Variants in SNTG2 observed in about 807,000 individuals in gnomAD.
The protein encoded by SNTG2 is gamma-2-syntrophin.
A neutral mutation model predicts 70.9 loss-of-function variants in SNTG2; 74 were observed. That is an observed-to-expected ratio of 1.04 (90% CI 0.86 to 1.27). The LOEUF (loss-of-function observed/expected upper bound fraction) is 1.27, where lower values mean the gene tolerates loss of function less well. Among genes scored for constraint, SNTG2 ranks in the 50% most tolerant of loss-of-function variants. The pLI, the probability that SNTG2 is intolerant of heterozygous loss-of-function variation, is 0.00. For missense variants in SNTG2, 717 were observed against 690.7 expected, an observed-to-expected ratio of 1.04 and a Z score of -0.43; for synonymous variants, 278 against 273.8, an observed-to-expected ratio of 1.02 and a Z score of -0.15.
intron 9 of SNTG2, among the ~76,000 whole-genome samples, chr2:1,217,874 C>G (rs985081756): frequency 6.6e-6 from 1 of 152,122 alleles, no homozygotes; most frequent in African/African-American, 2.4e-5. Flanking sequence ...GCAGGTAACA[C>G]AAGACTGTTT....
chr2:1,230,938 G>T (rs111668853), intron 9 of SNTG2, among the ~76,000 whole-genome samples: 1 of 151,740 alleles, frequency 6.6e-6, no homozygotes, highest in Non-Finnish European at 1.5e-5. Flanking sequence ...GATCCGAAAC[G>T]TAAGTTACTT....
Position 950,899 on chromosome 2 carries a change from C to A in SNTG2, c.-98C>A. 2.1e-6 allele frequency: 1 copy of A among 471,410 alleles called. No homozygotes were observed. The highest frequency in any genetic ancestry group is 9.7e-5 in the South Asian group (1 of 10,330). The allele number at this position is 471,410 out of a possible 1,614,324, so 29.2% of individuals were successfully genotyped here. ...GCCGGAGCCGGCAGAGGGGCGCGGG[C>A]GCGGACGCGGCGCCTGGCGGGGCCC... On this transcript the variant is annotated 5_prime_UTR_variant, in exon 1 of 17. Coordinates refer to ENST00000308624, the MANE Select transcript of SNTG2 (RefSeq NM_018968.4).
At chr2:1,008,761 T>C (rs1437128530) in intron 1 of SNTG2, among the ~76,000 whole-genome samples, 2 of 152,190 alleles carry the variant, frequency 1.3e-5, no homozygotes, top group African/African-American at 2.4e-5. Context: ...GTAATTAGTA[T>C]TTTTGCTTTT....
intron 1 of SNTG2, among the ~76,000 whole-genome samples, chr2:1,061,282 T>C (rs1181644628): frequency 6.6e-6 from 1 of 152,190 alleles, no homozygotes; most frequent in African/African-American, 2.4e-5. Flanking sequence ...AGAATGATGA[T>C]AAACATTTTT....
intron 12 of SNTG2, among the ~76,000 whole-genome samples, chr2:1,250,033 C>T (rs564204474): frequency 6.6e-6 from 1 of 152,240 alleles, no homozygotes; most frequent in East Asian, 1.9e-4. Context: ...CAGGACCAGC[C>T]GTGCGTGCCG....
At chr2:1,223,809 C>T (rs1020743808) in intron 9 of SNTG2, among the ~76,000 whole-genome samples, 1 of 147,390 alleles carries the variant, frequency 6.8e-6, no homozygotes, top group African/African-American at 2.5e-5. Context: ...TCAGTGTGGG[C>T]TGCCATAGCC....
At chr2:1,187,705 A>G (rs1672332588) in intron 8 of SNTG2, among the ~76,000 whole-genome samples, 1 of 152,200 alleles carries the variant, frequency 6.6e-6, no homozygotes, top group Non-Finnish European at 1.5e-5. Context: ...CAATCTTAAA[A>G]TCAGCTAGGG....
chr2:1,357,636 A>G (rs535942167), intron 16 of SNTG2, among the ~76,000 whole-genome samples: 121 of 152,232 alleles, frequency 7.9e-4, no homozygotes, highest in African/African-American at 2.8e-3. Context: ...CAGTGGAGCC[A>G]TCTCTTCCTC....
At chr2:1,260,393 A>C (rs1283400022) in intron 13 of SNTG2, among the ~76,000 whole-genome samples, 3 of 152,140 alleles carry the variant, frequency 2.0e-5, no homozygotes, top group African/African-American at 7.2e-5. Context: ...ATTTTTGAAA[A>C]ATTTATTTGG....
At chr2:1,289,489 G>A (rs79126128) in intron 14 of SNTG2, among the ~76,000 whole-genome samples, 2 of 152,126 alleles carry the variant, frequency 1.3e-5, no homozygotes, top group Admixed American at 6.5e-5. Flanking sequence ...GAAGCCCATG[G>A]CACACTTTGT....
intron 9 of SNTG2, among the ~76,000 whole-genome samples, chr2:1,216,851 G>T (rs1674427998): frequency 6.6e-6 from 1 of 152,186 alleles, no homozygotes; most frequent in African/African-American, 2.4e-5. Flanking sequence ...GTTCCCCCAT[G>T]TTGTTCTCAT....
intron 9 of SNTG2, among the ~76,000 whole-genome samples, chr2:1,226,412 G>C (rs1443806139): frequency 6.6e-6 from 1 of 152,124 alleles, no homozygotes; most frequent in African/African-American, 2.4e-5. Flanking sequence ...CAGTGGGTGG[G>C]GCCGTGCCAC....
At chr2:988,475 C>T (rs539672815) in intron 1 of SNTG2, among the ~76,000 whole-genome samples, 2 of 152,040 alleles carry the variant, frequency 1.3e-5, no homozygotes, top group Admixed American at 6.6e-5. Context: ...TTTGGCTTAT[C>T]GCAATGCTTC....
chr2:1,201,217 A>G (rs1055055980), intron 8 of SNTG2, among the ~76,000 whole-genome samples: 1 of 152,064 alleles, frequency 6.6e-6, no homozygotes, highest in Admixed American at 6.5e-5. Context: ...ATTCAACCAT[A>G]AAATAGTAAA....
chr2:1,101,472 G>A (rs1231253601), intron 4 of SNTG2, among the ~76,000 whole-genome samples: 2 of 152,228 alleles, frequency 1.3e-5, no homozygotes, highest in African/African-American at 2.4e-5. Flanking sequence ...GGGATCAGAA[G>A]CTTGGTCTCA....
Position 1,058,424 on chromosome 2 carries a change from C to G in SNTG2, c.73-25094C>G, listed in dbSNP as rs918230534. ...TGACATTGTTTCTTTGAAATTCTCC[C>G]TGTTTTCATCTTACATAATGTTTGT... On this transcript the variant is annotated intron_variant, in intron 1 of 16. Coordinates refer to ENST00000308624, the MANE Select transcript of SNTG2 (RefSeq NM_018968.4). 2.0e-5 allele frequency among the ~76,000 whole-genome samples: 3 copies of G among 152,156 alleles called. No homozygotes were observed. In the South Asian group the frequency reaches 6.2e-4, roughly 32 times the overall value.
chr2:1,280,136 G>C (rs552120025), intron 14 of SNTG2, among the ~76,000 whole-genome samples: 8 of 152,062 alleles, frequency 5.3e-5, no homozygotes, highest in Non-Finnish European at 1.2e-4. Context: ...TAATGAGTTT[G>C]AAATATGATA....
intron 1 of SNTG2, among the ~76,000 whole-genome samples, chr2:1,075,196 T>C (rs904161958): frequency 8.5e-5 from 13 of 152,224 alleles, no homozygotes; most frequent in African/African-American, 2.9e-4. Context: ...TGCATGTTTT[T>C]AAGTGGAGAA....
chr2:1,028,749 T>C (rs908025585), intron 1 of SNTG2, among the ~76,000 whole-genome samples: 1 of 151,936 alleles, frequency 6.6e-6, no homozygotes, highest in African/African-American at 2.4e-5. Context: ...TTTTTTTTTT[T>C]TTTTTAAATG....
Sources: gnomAD v4.1 joint callset for allele counts (sites outside exome capture counted in the v4.1 genomes callset) on GRCh38, gnomAD v4.1.1 for gene constraint, MANE v1.5 for transcripts, NCBI Gene and HGNC (gene_info 2026-07-23, HGNC 2026-07-21) for gene names.